The following LVRN variants were observed in gnomAD, a reference collection of about 807,000 sequenced individuals.
LVRN encodes the protein aminopeptidase Q.
LVRN carries 99 observed loss-of-function variants against 111.4 expected under a neutral mutation model. The observed-to-expected ratio is 0.89, with a 90% CI of 0.76 to 1.05. The LOEUF is 1.05. Ranked by LOEUF, LVRN falls within the 50% of genes least tolerant of loss-of-function variation. LVRN has a pLI of 0.00. For missense variants in LVRN, 1,414 were observed against 1,206.8 expected (o/e 1.17, Z -2.54); for synonymous variants, 488 against 449.5 (o/e 1.09, Z -1.08).
At chr5:116,002,950 A>C (rs1029710214) in intron 11 of LVRN, 39 bp downstream of exon 11, 2 of 1,432,554 alleles carry the variant, frequency 1.4e-6, no homozygotes, top group African/African-American at 2.9e-5. Flanking sequence ...ATATATATGC[A>C]TATGTAAAGG....
At chr5:115,977,342 C>T (rs961814329) in intron 1 of LVRN, among the ~76,000 whole-genome samples, 2 of 152,176 alleles carry the variant, frequency 1.3e-5, no homozygotes, top group African/African-American at 4.8e-5. Flanking sequence ...TTAGAAACTG[C>T]TTCGAGGCAG....
chr5:115,983,553 G>C, intron 2 of LVRN, 124 bp downstream of exon 2: 4 of 1,075,806 alleles, frequency 3.7e-6, no homozygotes, highest in Non-Finnish European at 5.0e-6. Context: ...ACTATAATTA[G>C]GTAGAGCAGT....
chr5:116,012,240 C>T, intron 14 of LVRN, 134 bp from the exon 15 acceptor site: 1 of 581,246 alleles, frequency 1.7e-6, no homozygotes, highest in Non-Finnish European at 3.1e-6. Flanking sequence ...TATTTAGTAA[C>T]AGATAAAGGT....
intron 1 of LVRN, among the ~76,000 whole-genome samples, chr5:115,978,545 T>C (rs1217279834): frequency 6.6e-6 from 1 of 152,176 alleles, no homozygotes; most frequent in Non-Finnish European, 1.5e-5. Context: ...TGATCTACAG[T>C]AACTAAGTCA....
At chr5:115,971,228 G>A (rs180876894) in intron 1 of LVRN, among the ~76,000 whole-genome samples, 2 of 152,070 alleles carry the variant, frequency 1.3e-5, no homozygotes, top group Non-Finnish European at 2.9e-5. Context: ...GTTGAATTTA[G>A]AGAGGATCTT....
chr5:115,970,678 C>T (rs1352820825), intron 1 of LVRN, among the ~76,000 whole-genome samples: 2 of 148,990 alleles, frequency 1.3e-5, no homozygotes, highest in Non-Finnish European at 3.0e-5. Context: ...AGCCACCGCA[C>T]CCATCTGAAA....
chr5:115,982,923 G>A (rs1023865504), intron 1 of LVRN, among the ~76,000 whole-genome samples: 8 of 152,124 alleles, frequency 5.3e-5, no homozygotes, highest in Non-Finnish European at 1.2e-4. Flanking sequence ...GAAAGCAATG[G>A]ACCATTCTCA....
At chr5:115,990,555 G>C (rs10037893) in intron 4 of LVRN, among the ~76,000 whole-genome samples, 39,564 of 151,834 alleles carry the variant, frequency 0.26, 6,270 homozygotes, top group East Asian at 0.68. Flanking sequence ...GTATTTTGGT[G>C]AACTAAAGTA....
intron 4 of LVRN, among the ~76,000 whole-genome samples, chr5:115,988,280 G>A (rs182276106): frequency 4.6e-5 from 7 of 151,730 alleles, no homozygotes; most frequent in East Asian, 1.9e-4. Flanking sequence ...TGCTGAGTCT[G>A]GATCACTTTA....
chr5:116,006,655 A>G (rs950869132), intron 13 of LVRN, among the ~76,000 whole-genome samples: 1 of 152,162 alleles, frequency 6.6e-6, no homozygotes, highest in Non-Finnish European at 1.5e-5. Context: ...CTTAGGACCA[A>G]TCATGGTTAC....
chr5:115,983,180 T>G, intron 1 of LVRN, 107 bp from the exon 2 acceptor site: 1 of 1,271,876 alleles, frequency 7.9e-7, no homozygotes, highest in Non-Finnish European at 1.1e-6. Flanking sequence ...GAGAGGAAAT[T>G]TCCTCTAACA....
chr5:115,997,490 C>G (rs1043156002), intron 6 of LVRN, among the ~76,000 whole-genome samples: 2 of 151,930 alleles, frequency 1.3e-5, no homozygotes, highest in Non-Finnish European at 2.9e-5. Flanking sequence ...ATAGTGAAAT[C>G]TCGTCTCTAC....
At position 115,999,512 on chromosome 5, in the gene LVRN, C is replaced by A. The variant is rs552609446; in HGVS notation, c.1375-250C>A. On this transcript the variant is annotated intron_variant, in intron 6 of 19. Transcript: ENST00000357872. Reference sequence around the variant, plus strand: ...GGAAATGTAGGTGGCTTTTGGAAACCACATTAACTTTGTAATTGACTTTTT... The same window carrying A: ...GGAAATGTAGGTGGCTTTTGGAAACAACATTAACTTTGTAATTGACTTTTT... Among the ~76,000 whole-genome samples, 74 of 152,208 alleles carry A rather than the reference C, an allele frequency of 4.9e-4. 1 individual carries two copies. The highest frequency in any genetic ancestry group is 6.8e-3 in the Middle Eastern group (2 of 294).
chr5:115,971,875 G>C (rs963452050), intron 1 of LVRN, among the ~76,000 whole-genome samples: 1 of 152,138 alleles, frequency 6.6e-6, no homozygotes, highest in Non-Finnish European at 1.5e-5. Context: ...CTGGGATTTT[G>C]ACTGAGATTA....
chr5:115,999,416 C>A (rs1748190343), intron 6 of LVRN, among the ~76,000 whole-genome samples: 1 of 152,024 alleles, frequency 6.6e-6, no homozygotes, highest in South Asian at 2.1e-4. Flanking sequence ...GATAAAATTA[C>A]TGATGAAATT....
intron 1 of LVRN, 89 bp downstream of exon 1, chr5:115,963,401 T>A: frequency 9.7e-7 from 1 of 1,033,340 alleles, no homozygotes; most frequent in Non-Finnish European, 1.4e-6. Flanking sequence ...CGTGTCCAGG[T>A]GCGCGTCTGC....
intron 5 of LVRN, among the ~76,000 whole-genome samples, chr5:115,992,961 G>C (rs1390410578): frequency 6.6e-6 from 1 of 152,204 alleles, no homozygotes; most frequent in Non-Finnish European, 1.5e-5. Flanking sequence ...TTGGAAAAGA[G>C]CAGTTTACTA....
chr5:115,973,120 G>T (rs1269863178), intron 1 of LVRN, among the ~76,000 whole-genome samples: 1 of 152,084 alleles, frequency 6.6e-6, no homozygotes, highest in Admixed American at 6.6e-5. Context: ...AGTAGGGATA[G>T]GGTTTTGCCA....
chr5:115,999,857 A>C lies in LVRN; in HGVS notation c.1470A>C (p.Lys490Asn). 6.2e-7 allele frequency: 1 copy of C among 1,613,798 alleles called. No individual in the cohort carries two copies. The highest frequency in any genetic ancestry group is 1.1e-5 in the South Asian group (1 of 91,038). Residue 490 changes from lysine to asparagine, a missense_variant, in exon 7 of 20, where the codon AAA (lysine) becomes AAC (asparagine). Physicochemically the swap from Lys to Asn is moderately conservative, Grantham distance 94 (BLOSUM62 0). Transcript: ENST00000357872. The stretch of plus-strand genomic sequence containing the variant: ...TGGCCATGAAGGTGGAAAATTTCAA[A>C]ACAAGTGAAATACAGGAACTCTTTG... Reference protein sequence around the residue: ...RAVAMKVENFKTSEIQELFDI... With the variant: ...RAVAMKVENFNTSEIQELFDI...
Sources: allele counts gnomAD v4.1 joint callset (sites outside exome capture counted in the v4.1 genomes callset), GRCh38; gene constraint gnomAD v4.1.1; transcripts MANE v1.5; gene names NCBI Gene and HGNC (gene_info 2026-07-23, HGNC 2026-07-21).